HNF4A: variants seen among roughly 807,000 people sequenced by gnomAD.
The protein encoded by HNF4A is hepatocyte nuclear factor 4 alpha, also known as hepatocyte nuclear factor 4-alpha.
In HNF4A, 15 loss-of-function variants were observed where a neutral mutation model predicts 52.4. The observed-to-expected ratio is 0.29, with a 90% CI of 0.19 to 0.44. The LOEUF is 0.44. Ranked by LOEUF, HNF4A falls within the 20% of genes least tolerant of loss-of-function variation. HNF4A has a pLI of 1.00. For synonymous variants in HNF4A, 280 were observed against 264.4 expected, an observed-to-expected ratio of 1.06 and a Z score of -0.57; for missense variants, 479 against 647.2, an observed-to-expected ratio of 0.74 and a Z score of 2.82.
rs190075560 is a variant in HNF4A at position 44,406,944 on chromosome 20, A to T, written c.291-437A>T. ...AGGGTTAACATTCAGGGCCCCACCC[A>T]TCACCACGGTGTGGCACTGCCTCTA... On this transcript the variant is annotated intron_variant, in intron 2 of 9. Coordinates refer to ENST00000316099, the MANE Select transcript of HNF4A (RefSeq NM_000457.6). Among the ~76,000 whole-genome samples the T allele has an allele frequency of 3.3e-3, 504 of 152,324 alleles. 1 individual carries two copies. The highest frequency in any genetic ancestry group is 7.5e-3 in the South Asian group (36 of 4,832).
At chr20:44,377,723 A>G (rs1019252398) in intron 1 of HNF4A, 2 of 152,238 alleles carry the variant, frequency 1.3e-5, no homozygotes, top group African/African-American at 4.8e-5. Context: ...TGAAATAACA[A>G]AAAATAAAAT....
chr20:44,394,746 A>T (rs1167143447), intron 1 of HNF4A, among the ~76,000 whole-genome samples: 1 of 152,254 alleles, frequency 6.6e-6, no homozygotes, highest in Non-Finnish European at 1.5e-5. Context: ...TTGGGAGGCC[A>T]GCGGCCTCTT....
rs753361755 is a variant in HNF4A, at chr20:44,406,104, G to A, written c.162G>A (p.Leu54=). The A allele has an allele frequency of 1.9e-6, 3 of 1,613,384 alleles. No individual in the cohort carries two copies. Among genetic ancestry groups the A allele is most frequent in the Non-Finnish European group, 2.5e-6 (3 of 1,180,050 alleles). ...CCAACCTCAACGCGCCCAACAGCCTGGGTGTCAGCGCCCTGTGTGCCATCT... is the reference window on the plus strand; with the variant it reads ...CCAACCTCAACGCGCCCAACAGCCTAGGTGTCAGCGCCCTGTGTGCCATCT... The change falls in exon 2 of 10, where the codon CTG becomes CTA. Residue 54 remains leucine, a synonymous_variant. Transcript: ENST00000316099.
chr20:44,389,225 C>T lies in HNF4A; in HGVS notation c.50-16833C>T, dbSNP rs549880511. ...CCAGGTGCTATCACATCGCGCTGTG[C>T]GTCTTCACTGCACTTAACCACTGTT... On this transcript the variant is annotated intron_variant, in intron 1 of 9. Transcript: ENST00000316673. Among the ~76,000 whole-genome samples the T allele has an allele frequency of 2.0e-4, 30 of 152,340 alleles. 1 individual carries two copies. In the South Asian group the frequency reaches 6.0e-3, roughly 30 times the overall value.
rs191785235 is a variant in HNF4A, at chr20:44,415,778, G to A, written c.648+1116G>A. On this transcript the variant is annotated intron_variant, in intron 5 of 9. Coordinates refer to ENST00000316099, the MANE Select transcript of HNF4A (RefSeq NM_000457.6). ...CTGCACATTGGGACACTGTGAAAACGCTGGTTTGGCTTGTCCCCAGCCTCA... is the reference window on the plus strand; with the variant it reads ...CTGCACATTGGGACACTGTGAAAACACTGGTTTGGCTTGTCCCCAGCCTCA... Among the ~76,000 whole-genome samples, 13 of 152,210 alleles carry A rather than the reference G, an allele frequency of 8.5e-5. No individual in the cohort carries two copies. In the East Asian group the frequency reaches 1.9e-3, roughly 23 times the overall value.
chr20:44,405,784 A>T (rs2063491306), intron 1 of HNF4A, among the ~76,000 whole-genome samples: 1 of 152,268 alleles, frequency 6.6e-6, no homozygotes, highest in Admixed American at 6.5e-5. Flanking sequence ...CCAGGTTTTC[A>T]TGCCTTCCTA....
At chr20:44,429,474 CA>C in intron 9 of HNF4A, 48 bp from the exon 10 acceptor site, 1 of 1,613,678 alleles carries the variant, frequency 6.2e-7, no homozygotes. Flanking sequence ...TTTACTCCCA[CA>C]AAGGCTGGAA....
Position 44,422,148 on chromosome 20 carries a change from C to T in HNF4A, c.893-1870C>T, listed in dbSNP as rs184760027. Among the ~76,000 whole-genome samples the T allele has an allele frequency of 1.4e-3, 220 of 152,232 alleles. 5 individuals carry two copies. Among genetic ancestry groups the T allele is most frequent in the Admixed American group, 0.012 (176 of 15,282 alleles). Reference sequence around the variant, plus strand: ...AGACCACCTGTCAATCCCAATTTCTCTCTCTCAAGCCCACATTCTTACCTA... The same window carrying T: ...AGACCACCTGTCAATCCCAATTTCTTTCTCTCAAGCCCACATTCTTACCTA... On this transcript the variant is annotated intron_variant, in intron 7 of 9. Transcript: ENST00000316099.
rs1226037107 is a variant in HNF4A, at chr20:44,364,477, A to AT, written c.49+8634dup. Among the ~76,000 whole-genome samples the AT allele has an allele frequency of 3.0e-3, 442 of 147,796 alleles. 2 individuals carry two copies. Among genetic ancestry groups the AT allele is most frequent in the African/African-American group, 0.01 (405 of 40,398 alleles). On this transcript the variant is annotated intron_variant, in intron 1 of 9. Transcript: ENST00000316673. ...GAATAGGTCATGCAATTTTTTTTTT[A>AT]TTTTTTTTTTCTAGATGGAGTCTTG...
chr20:44,367,385 C>T (rs1186964184), intron 1 of HNF4A, among the ~76,000 whole-genome samples: 1 of 150,912 alleles, frequency 6.6e-6, no homozygotes, highest in Non-Finnish European at 1.5e-5. Flanking sequence ...GTGGCTAACA[C>T]CTGTAATCCC....
In HNF4A at chr20:44,413,682, G is replaced by A. The variant is rs762556898; in HGVS notation, c.386-12G>A. 8 of 1,605,814 alleles carry A rather than the reference G, an allele frequency of 5.0e-6. No individual in the cohort carries two copies. The highest frequency in any genetic ancestry group is 4.5e-5 in the East Asian group (2 of 44,710). On this transcript the variant is annotated splice_polypyrimidine_tract_variant and intron_variant, in intron 3 of 9. Transcript: ENST00000316099. ...CTGTTCTCCCTCCTCACCTCTCTGT[G>A]CCTCCTCACAGCCGTCCAGAATGAG...
Position 44,428,472 on chromosome 20 carries a change from C to G in HNF4A, c.1267C>G (p.Pro423Ala), listed in dbSNP as rs752467976. The change falls in exon 9 of 10, where the codon CCC becomes GCC. Residue 423 changes from proline (P) to alanine (A), a missense_variant. Pro to Ala is a conservative substitution (Grantham distance 27). Around this residue, in one of 3 missense-constraint regions of HNF4A, gnomAD observed 389 missense variants for 525.1 expected, o/e 0.74. Transcript: ENST00000316099. ...CGGACAGATGTGTGAGTGGCCCCGA[C>G]CCAGGGGACAGGCAGGTGGGCAAAC... is the stretch of plus-strand genomic sequence containing the variant. 14 of 1,614,084 alleles carry G rather than the reference C, an allele frequency of 8.7e-6. No homozygotes were observed. The highest frequency in any genetic ancestry group is 1.2e-5 in the Non-Finnish European group (14 of 1,180,006).
chr20:44,409,129 G>A (rs1048617401), intron 3 of HNF4A, among the ~76,000 whole-genome samples: 3 of 152,104 alleles, frequency 2.0e-5, no homozygotes, highest in South Asian at 2.1e-4. Context: ...TGCTGATCCC[G>A]ATGCAGGAGT....
rs2063837581 is a variant in HNF4A at position 44,428,397 on chromosome 20, A to G, written c.1192A>G (p.Met398Val). The G allele has an allele frequency of 2.5e-6, 4 of 1,614,118 alleles. No homozygotes were observed. The highest frequency in any genetic ancestry group is 3.4e-6 in the Non-Finnish European group (4 of 1,179,998). The change falls in exon 9 of 10, where the codon ATG becomes GTG. Residue 398 changes from methionine to valine, a missense_variant. By Grantham distance (21) the Met-to-Val change is conservative. Around this residue, in one of 3 missense-constraint regions of HNF4A, gnomAD observed 389 missense variants for 525.1 expected, o/e 0.74. Coordinates refer to ENST00000316099, the MANE Select transcript of HNF4A (RefSeq NM_000457.6). ...GCACCCTCACCTGATGCAGGAACAT[A>G]TGGGAACCAACGTCATCGTTGCCAA...
At position 44,409,517 on chromosome 20, in the gene HNF4A, TG is replaced by T. The variant is rs1259316033; in HGVS notation, c.385+2043del. Among the ~76,000 whole-genome samples the T allele has an allele frequency of 2.2e-4, 33 of 152,280 alleles. 1 individual carries two copies. The highest frequency in any genetic ancestry group is 1.8e-3 in the Admixed American group (27 of 15,294). On this transcript the variant is annotated intron_variant, in intron 3 of 9. Coordinates refer to ENST00000316099, the MANE Select transcript of HNF4A (RefSeq NM_000457.6). Reference sequence around the variant, plus strand: ...GTTTGAGAGAACAGCTCTCTCACAGTGAAAGTTCAGGTCTGTGACAGGCAGA... The same window carrying T: ...GTTTGAGAGAACAGCTCTCTCACAGTAAAGTTCAGGTCTGTGACAGGCAGA...
chr20:44,428,988 C>G (rs1398969226), intron 9 of HNF4A, among the ~76,000 whole-genome samples: 1 of 152,212 alleles, frequency 6.6e-6, no homozygotes, highest in East Asian at 1.9e-4. Context: ...TGATATTTTA[C>G]TGACATTGTT....
chr20:44,396,843 G>A (rs2063357445), upstream of HNF4A, among the ~76,000 whole-genome samples: 2 of 152,166 alleles, frequency 1.3e-5, no homozygotes, highest in African/African-American at 4.8e-5. Context: ...CACAGAGTTT[G>A]GTACATTGGC....
At chr20:44,368,227 T>C (rs1489816200) in intron 1 of HNF4A, among the ~76,000 whole-genome samples, 2 of 137,022 alleles carry the variant, frequency 1.5e-5, no homozygotes, top group Non-Finnish European at 3.1e-5. Flanking sequence ...AGTGCGGTGG[T>C]ACCATCTTGG....
chr20:44,402,531 C>T, intron 1 of HNF4A: 1 of 1,351,254 alleles, frequency 7.4e-7, no homozygotes, highest in Non-Finnish European at 9.9e-7. Context: ...ATATCAGCAA[C>T]ATGTCCGTTT....
Sources: allele counts gnomAD v4.1 joint callset (sites outside exome capture counted in the v4.1 genomes callset), GRCh38; gene constraint gnomAD v4.1.1; regional missense constraint gnomAD v4.1.1; transcripts MANE v1.5; gene names NCBI Gene and HGNC (gene_info 2026-07-23, HGNC 2026-07-21).